MUC5B: variants seen among roughly 807,000 people sequenced by gnomAD.
MUC5B encodes mucin 5B, oligomeric mucus/gel-forming.
In MUC5B, 116 loss-of-function variants were observed where a neutral mutation model predicts 376.9. The ratio of observed to expected loss-of-function variants is 0.31; its 90% CI spans 0.26 to 0.36. The LOEUF (loss-of-function observed/expected upper bound fraction) is 0.36, where lower values mean the gene tolerates loss of function less well. Among genes scored for constraint, MUC5B ranks in the 10% least tolerant of loss-of-function variants. MUC5B has a pLI of 1.00. For missense variants in MUC5B, 7,165 were observed against 7,769.9 expected (o/e 0.92, Z 2.93); for synonymous variants, 3,517 against 3,390.9 (o/e 1.04, Z -1.29).
chr11:1,226,069 G>A (rs1861872944), intron 2 of MUC5B, 136 bp from the exon 3 acceptor site: 1 of 845,310 alleles, frequency 1.2e-6, no homozygotes, highest in Non-Finnish European at 1.8e-6. Context: ...GGGTAAAGGG[G>A]CTGCCTTGGC....
At position 1,249,131 on chromosome 11, in the gene MUC5B, C is replaced by T. The variant is rs201532622; in HGVS notation, c.12251C>T (p.Thr4084Met). The change falls in exon 31 of 49, where the codon ACG becomes ATG. Residue 4084 changes from threonine to methionine, a missense_variant. Physicochemically the swap from Thr to Met is moderately conservative, Grantham distance 81. Coordinates refer to ENST00000529681, the MANE Select transcript of MUC5B (RefSeq NM_002458.3). ...RTTESPPSPGTTTPGHTTATS... is the reference protein window; with the variant it reads ...RTTESPPSPGMTTPGHTTATS... ...ACCGAGTCACCCCCTTCCCCAGGGA[C>T]GACCACCCCGGGCCACACCACGGCC... 0.029 allele frequency: 46,100 copies of T among 1,609,586 alleles called. No homozygotes were observed. The highest frequency in any genetic ancestry group is 0.032 in the Non-Finnish European group (37,296 of 1,178,466).
Position 1,255,056 on chromosome 11 carries a change from A to G in MUC5B, c.15680A>G (p.Asn5227Ser). Reference protein sequence around the residue: ...TEGQCGTCTNNQRDDCLQRDG... With the variant: ...TEGQCGTCTNSQRDDCLQRDG... ...CCACTCCCAGGCACCTGCACCAACA[A>G]CCAGAGGGACGACTGTCTCCAGCGG... Residue 5227 changes from asparagine (N) to serine (S), a missense_variant, in exon 36 of 49, where the codon AAC becomes AGC. By Grantham distance (46) the Asn-to-Ser change is conservative (BLOSUM62 1). Coordinates refer to ENST00000529681, the MANE Select transcript of MUC5B (RefSeq NM_002458.3). 1 of 1,592,690 alleles carries G rather than the reference A, an allele frequency of 6.3e-7. No individual in the cohort carries two copies. The highest frequency in any genetic ancestry group is 8.5e-7 in the Non-Finnish European group (1 of 1,170,592).
intron 28 of MUC5B, 35 bp downstream of exon 28, chr11:1,239,978 C>G (rs745912336): frequency 6.2e-7 from 1 of 1,609,704 alleles, no homozygotes; most frequent in Admixed American, 1.7e-5. Context: ...GCTGGGGGAG[C>G]AGGGCTGGGG....
intron 4 of MUC5B, 29 bp from the exon 5 acceptor site, chr11:1,227,002 C>T: frequency 6.3e-7 from 1 of 1,590,198 alleles, no homozygotes; most frequent in Non-Finnish European, 8.6e-7. Context: ...GAGAGCGGGG[C>T]CCAGGGAGAG....
At chr11:1,238,751 A>G (rs1862209157) in intron 25 of MUC5B, 120 bp from the exon 26 acceptor site, 2 of 1,121,162 alleles carry the variant, frequency 1.8e-6, no homozygotes, top group Non-Finnish European at 1.3e-6. Flanking sequence ...CCAGGAGCTC[A>G]GAGAGCTGCC....
rs1468550370 is a variant in MUC5B, at chr11:1,248,636, T to G, written c.11756T>G (p.Leu3919Arg). The change falls in exon 31 of 49, where the codon CTG becomes CGG. Residue 3919 changes from leucine to arginine, a missense_variant. Transcript: ENST00000529681. ...VPGTTHTPTV[L>R]TTTTTTVATG... ...GGGACCACCCACACCCCCACAGTGC[T>G]GACCACCACCACCACAACTGTGGCC... is the stretch of plus-strand genomic sequence containing the variant. 1.2e-6 allele frequency: 2 copies of G among 1,602,126 alleles called. No individual in the cohort carries two copies. The highest frequency in any genetic ancestry group is 1.7e-6 in the Non-Finnish European group (2 of 1,176,020).
chr11:1,239,968 G>T (rs757726874), intron 28 of MUC5B, 25 bp downstream of exon 28: 4 of 1,611,044 alleles, frequency 2.5e-6, no homozygotes, highest in Non-Finnish European at 3.4e-6. Context: ...AGCGGGTGGC[G>T]CTGGGGGAGC....
At chr11:1,252,242 C>A in intron 31 of MUC5B, 101 bp from the exon 32 acceptor site, 2 of 1,198,984 alleles carry the variant, frequency 1.7e-6, no homozygotes, top group South Asian at 1.5e-5. Flanking sequence ...TCCCTGGAAC[C>A]GCTGCTCCCT....
In MUC5B at chr11:1,255,395, G is replaced by C; in HGVS notation, c.15903G>C (p.Glu5301Asp). 6.3e-7 allele frequency: 1 copy of C among 1,599,042 alleles called. No individual in the cohort carries two copies. The highest frequency in any genetic ancestry group is 1.1e-5 in the South Asian group (1 of 89,280). The stretch of plus-strand genomic sequence containing the variant: ...CTTTGCCCCACAGGGTCTTTGCTGA[G>C]TGCCACAACCTTGTGCCCCCGGGCC... ...CDLMLSQVFA[E>D]CHNLVPPGPF... is the part of the protein sequence containing the mutation. The change falls in exon 37 of 49, where the codon GAG (glutamate) becomes GAC (aspartate). Residue 5301 changes from glutamate to aspartate, a missense_variant. Glu to Asp is a conservative substitution (Grantham distance 45, BLOSUM62 2). Around this residue, in one of 31 missense-constraint regions of MUC5B, gnomAD observed 842 missense variants for 1,016.9 expected, o/e 0.83. Transcript: ENST00000529681.
intron 38 of MUC5B, 181 bp from the exon 39 acceptor site, chr11:1,256,490 C>T (rs1862839303): frequency 4.9e-6 from 1 of 204,104 alleles, no homozygotes; most frequent in Non-Finnish European, 9.2e-6. Flanking sequence ...CCATACTTAG[C>T]CCCGCCCACC....
chr11:1,259,145 G>C (rs1182565840), intron 44 of MUC5B, 84 bp downstream of exon 44: 51 of 1,355,590 alleles, frequency 3.8e-5, no homozygotes, highest in Middle Eastern at 2.5e-4. Flanking sequence ...CCCCAGGTGA[G>C]ACCTGAGTCA....
chr11:1,239,743 T>C, intron 27 of MUC5B, 56 bp from the exon 28 acceptor site: 1 of 1,554,698 alleles, frequency 6.4e-7, no homozygotes, highest in South Asian at 1.2e-5. Flanking sequence ...ATGGAGCCCC[T>C]GGCTGGAGAG....
rs560147729 is a variant in MUC5B, at chr11:1,247,409, C to T, written c.10529C>T (p.Ser3510Phe). ...ACCCAGCACTCGACTCCAGCCCTGT[C>T]CAGCCCTCACCCTAGCAGCAGGACC... ...STTQHSTPALSSPHPSSRTTE... is the reference protein window; with the variant it reads ...STTQHSTPALFSPHPSSRTTE... The change falls in exon 31 of 49, where the codon TCC becomes TTC. Residue 3510 changes from serine to phenylalanine, a missense_variant. Around this residue, in one of 31 missense-constraint regions of MUC5B, gnomAD observed 939 missense variants for 770.6 expected, o/e 1.22. Transcript: ENST00000529681. The T allele has an allele frequency of 3.1e-5, 50 of 1,609,920 alleles. 1 individual carries two copies. In the South Asian group the frequency reaches 5.4e-4, roughly 17 times the overall value.
In MUC5B at chr11:1,239,316, C is replaced by G. The variant is rs538345579; in HGVS notation, c.3455-122C>G. 60 of 1,350,648 alleles carry G rather than the reference C, an allele frequency of 4.4e-5. 1 individual carries two copies. The South Asian group carries it at 8.5e-4, about 19-fold the overall frequency. 83.7% of individuals were successfully genotyped at this position (1,350,648 alleles called of 1,614,324 possible). A position where few individuals can be genotyped will look rare whatever the true frequency, so the allele number is the denominator to read the frequency against. ...ACCACCCGGCCGAGGCCCTGCATGT[C>G]TGGGACAAGCCCGGGTCTGGCTCTG... On this transcript the variant is annotated intron_variant, in intron 26 of 48. Coordinates refer to ENST00000529681, the MANE Select transcript of MUC5B (RefSeq NM_002458.3).
Position 1,247,177 on chromosome 11 carries a change from G to C in MUC5B, c.10297G>C (p.Val3433Leu). 6.4e-7 allele frequency: 1 copy of C among 1,558,480 alleles called. No individual in the cohort carries two copies. The highest frequency in any genetic ancestry group is 8.8e-7 in the Non-Finnish European group (1 of 1,141,328). ...ATTPAATSST[V>L]TPSSALGTTH... The stretch of plus-strand genomic sequence containing the variant: ...CACACCTGCAGCCACCAGCAGCACA[G>C]TGACTCCCTCCTCTGCCCTAGGGAC... Residue 3433 changes from valine to leucine, a missense_variant, in exon 31 of 49, where the codon GTG becomes CTG. By Grantham distance (32) the Val-to-Leu change is conservative. This residue lies in a region of MUC5B where 939 missense variants were observed against 770.6 expected (regional missense o/e 1.22). Transcript: ENST00000529681.
At position 1,244,757 on chromosome 11, in the gene MUC5B, C is replaced by A. The variant is rs3021158; in HGVS notation, c.7877C>A (p.Thr2626Lys). 32 of 1,601,912 alleles carry A rather than the reference C, an allele frequency of 2.0e-5. No individual in the cohort carries two copies. The highest frequency in any genetic ancestry group is 4.3e-6 in the Non-Finnish European group (5 of 1,171,114). Residue 2626 changes from threonine to lysine, a missense_variant, in exon 31 of 49, where the codon ACG becomes AAG. Physicochemically the swap from Thr to Lys is moderately conservative, Grantham distance 78. Around this residue, in one of 31 missense-constraint regions of MUC5B, gnomAD observed 141 missense variants for 111.2 expected, o/e 1.27. Coordinates refer to ENST00000529681, the MANE Select transcript of MUC5B (RefSeq NM_002458.3). ...FTATPSSSPG[T>K]ARTLPVWIST... ...GCCACCCCCTCCTCCAGCCCAGGGA[C>A]GGCACGCACGCTTCCAGTGTGGATC...
At chr11:1,228,807 G>C (rs1339851452) in intron 8 of MUC5B, 42 bp downstream of exon 8, 1 of 1,173,612 alleles carries the variant, frequency 8.5e-7, no homozygotes, top group Non-Finnish European at 1.1e-6. Context: ...GTGCCAGAGA[G>C]AAGGGGCAGG....
chr11:1,229,854 C>T, intron 10 of MUC5B, 47 bp downstream of exon 10: 1 of 1,550,786 alleles, frequency 6.4e-7, no homozygotes, highest in Non-Finnish European at 8.7e-7. Context: ...GTGTGGAGCT[C>T]CTGGTATTTA....
At position 1,257,140 on chromosome 11, in the gene MUC5B, G is replaced by T; in HGVS notation, c.16238-100G>T. On this transcript the variant is annotated intron_variant, in intron 39 of 48. Transcript: ENST00000529681. The surrounding 1 kb of genome is among the most constrained non-coding windows in gnomAD (Gnocchi z 8.9). Reference sequence around the variant, plus strand: ...AGTTCTCCAGGGCCTTCCATCCCGGGGGGAAGCAGGCTCCAGGCCTGAGAG... The same window carrying T: ...AGTTCTCCAGGGCCTTCCATCCCGGTGGGAAGCAGGCTCCAGGCCTGAGAG... The T allele has an allele frequency of 1.3e-6, 1 of 761,726 alleles. No homozygotes were observed. Among genetic ancestry groups the T allele is most frequent in the East Asian group, 2.5e-5 (1 of 40,640 alleles). The allele number at this position is 761,726 out of a possible 1,614,324, so 47.2% of individuals were successfully genotyped here.
Sources: allele counts gnomAD v4.1 joint callset, GRCh38; gene constraint gnomAD v4.1.1; regional missense constraint gnomAD v4.1.1; non-coding constraint Gnocchi (gnomAD v3.1); transcripts MANE v1.5; gene names NCBI Gene and HGNC (gene_info 2026-07-23, HGNC 2026-07-21).